PDCD4: variants seen among roughly 807,000 people sequenced by gnomAD.
PDCD4 encodes the protein programmed cell death 4.
A neutral mutation model predicts 54.0 loss-of-function variants in PDCD4; 56 were observed. That is an observed-to-expected ratio of 1.04 (90% confidence interval 0.84 to 1.30). The LOEUF is 1.30. Ranked by LOEUF, PDCD4 falls within the 50% of genes most tolerant of loss-of-function variation. PDCD4 has a pLI of 0.00. For missense variants in PDCD4, 584 were observed against 559.8 expected (o/e 1.04, Z -0.44); for synonymous variants, 186 against 194.8 (o/e 0.95, Z 0.37).
intron 2 of PDCD4, chr10:110,876,711 A>G (rs531580901): frequency 2.3e-6 from 3 of 1,309,440 alleles, no homozygotes; most frequent in East Asian, 2.7e-5. Flanking sequence ...ATAGCATGTT[A>G]TTATCATAAA....
At chr10:110,891,572 A>G (rs1299632765) in intron 8 of PDCD4, among the ~76,000 whole-genome samples, 1 of 152,108 alleles carries the variant, frequency 6.6e-6, no homozygotes, top group Non-Finnish European at 1.5e-5. Flanking sequence ...TGCAACTAGA[A>G]GATTTGTAGT....
intron 1 of PDCD4, among the ~76,000 whole-genome samples, chr10:110,872,904 C>T (rs997510153): frequency 3.3e-5 from 5 of 152,182 alleles, no homozygotes; most frequent in African/African-American, 4.8e-5. Context: ...GCCCCCCTCC[C>T]CCTTGTGAGA....
chr10:110,890,772 G>T, intron 8 of PDCD4, 102 bp downstream of exon 8: 1 of 557,434 alleles, frequency 1.8e-6, no homozygotes, highest in Non-Finnish European at 3.1e-6. Flanking sequence ...AATTAAGTTC[G>T]GTCTTACAGC....
Position 110,887,652 on chromosome 10 carries a change from T to A in PDCD4, c.556-13T>A, listed in dbSNP as rs776186564. 1 of 1,573,648 alleles carries A rather than the reference T, an allele frequency of 6.4e-7. No homozygotes were observed. The highest frequency in any genetic ancestry group is 1.1e-5 in the South Asian group (1 of 88,710). The stretch of plus-strand genomic sequence containing the variant: ...ACACTTTTAAAATGTTTTTAAATTA[T>A]TTTTTTGAACAGGAAATGTTAAGAG... On this transcript the variant is annotated splice_polypyrimidine_tract_variant and intron_variant, in intron 5 of 11. Transcript: ENST00000280154.
chr10:110,887,111 T>C (rs1845679903), intron 5 of PDCD4, among the ~76,000 whole-genome samples: 1 of 152,200 alleles, frequency 6.6e-6, no homozygotes, highest in Admixed American at 6.5e-5. Context: ...AGCTGCATAA[T>C]GACGTTTCCA....
At chr10:110,876,118 A>G (rs550323803) in intron 2 of PDCD4, 48 bp downstream of exon 2, 11 of 1,486,084 alleles carry the variant, frequency 7.4e-6, no homozygotes, top group Non-Finnish European at 1.0e-5. Flanking sequence ...TTGAGACAGG[A>G]TCTTGCTCTG....
At chr10:110,875,599 T>G (rs1181954259) in intron 1 of PDCD4, among the ~76,000 whole-genome samples, 1 of 152,188 alleles carries the variant, frequency 6.6e-6, no homozygotes, top group African/African-American at 2.4e-5. Flanking sequence ...TATATTCCTA[T>G]GTATGTATAT....
At chr10:110,896,612 T>G (rs1220157823) in intron 11 of PDCD4, among the ~76,000 whole-genome samples, 2 of 152,044 alleles carry the variant, frequency 1.3e-5, no homozygotes, top group Non-Finnish European at 2.9e-5. Flanking sequence ...AGTGTATGTG[T>G]GTGGGTGATT....
In PDCD4 at chr10:110,885,369, A is replaced by T. The variant is rs1490892750; in HGVS notation, c.555+3A>T. 8.6e-6 allele frequency: 12 copies of T among 1,391,734 alleles called. No homozygotes were observed. Among genetic ancestry groups the T allele is most frequent in the Non-Finnish European group, 9.1e-6 (9 of 985,750 alleles). 86.2% of individuals were successfully genotyped at this position (1,391,734 alleles called of 1,614,324 possible). On this transcript the variant is annotated splice_donor_region_variant and intron_variant, in intron 5 of 11. Coordinates refer to ENST00000280154, the MANE Select transcript of PDCD4 (RefSeq NM_014456.5). ...ATGGAGATACTAATGAAGTTGCGGT[A>T]GGTTTAAAGTTGCAAGTATAATTTA...
At chr10:110,887,953 A>G (rs1314608032) in intron 6 of PDCD4, 67 bp downstream of exon 6, 4 of 1,072,014 alleles carry the variant, frequency 3.7e-6, no homozygotes, top group Non-Finnish European at 5.6e-6. Flanking sequence ...GAAATAATGT[A>G]TACTCCTAGG....
chr10:110,885,165 A>ATAATAT, intron 4 of PDCD4, 88 bp from the exon 5 acceptor site: 1 of 651,506 alleles, frequency 1.5e-6, no homozygotes, highest in South Asian at 1.9e-5. Context: ...GGGATTATTA[A>ATAATAT]CCACTTAGAA....
intron 8 of PDCD4, 143 bp from the exon 9 acceptor site, chr10:110,893,942 TGTAATA>T: frequency 3.8e-6 from 2 of 525,622 alleles, no homozygotes; most frequent in Non-Finnish European, 6.9e-6. Context: ...AAAATTCTGT[TGTAATA>T]GTACCACATC....
chr10:110,876,688 C>A, intron 2 of PDCD4: 1 of 1,236,604 alleles, frequency 8.1e-7, no homozygotes, highest in Non-Finnish European at 1.1e-6. Context: ...CCCTAATTCT[C>A]CATGGTGCTT....
chr10:110,889,222 A>C (rs1845718220), intron 6 of PDCD4, among the ~76,000 whole-genome samples: 1 of 2,208 alleles, frequency 4.5e-4, no homozygotes, highest in Non-Finnish European at 1.3e-3. Context: ...ACTCTGTCTC[A>C]AAAAAAAAAA....
At chr10:110,890,446 A>G in intron 7 of PDCD4, 110 bp from the exon 8 acceptor site, 1 of 480,962 alleles carries the variant, frequency 2.1e-6, no homozygotes, top group Non-Finnish European at 3.7e-6. Context: ...TTTTGCTTTT[A>G]TGTTATGTGA....
intron 2 of PDCD4, among the ~76,000 whole-genome samples, chr10:110,876,346 C>T (rs1347647811): frequency 1.3e-5 from 2 of 152,178 alleles, no homozygotes; most frequent in African/African-American, 4.8e-5. Flanking sequence ...GAGGAAGCTT[C>T]AGACCATTCC....
chr10:110,886,614 G>A (rs1264108273), intron 5 of PDCD4, among the ~76,000 whole-genome samples: 1 of 152,250 alleles, frequency 6.6e-6, no homozygotes, highest in East Asian at 1.9e-4. Context: ...TTAGAACTTA[G>A]CTTCTAGAGT....
At chr10:110,885,625 A>T (rs1845659196) in intron 5 of PDCD4, among the ~76,000 whole-genome samples, 1 of 151,756 alleles carries the variant, frequency 6.6e-6, no homozygotes, top group African/African-American at 2.4e-5. Context: ...ATAATTTGTA[A>T]TGTATATGAA....
At position 110,895,978 on chromosome 10, in the gene PDCD4, G is replaced by C. The variant is rs1365873367; in HGVS notation, c.1240G>C (p.Asp414His). The change falls in exon 11 of 12, where the codon GAC becomes CAC. Residue 414 changes from aspartate to histidine, a missense_variant. Coordinates refer to ENST00000280154, the MANE Select transcript of PDCD4 (RefSeq NM_014456.5). ...TGAGAGAATTTACAATGAAATTCCGGACATTAATCTGGATGTCCCACATTC... is the reference window on the plus strand; with the variant it reads ...TGAGAGAATTTACAATGAAATTCCGCACATTAATCTGGATGTCCCACATTC... ...GYERIYNEIPDINLDVPHSYS... is the reference protein window; with the variant it reads ...GYERIYNEIPHINLDVPHSYS... 1 of 1,604,344 alleles carries C rather than the reference G, an allele frequency of 6.2e-7. No homozygotes were observed. The highest frequency in any genetic ancestry group is 1.7e-5 in the Admixed American group (1 of 58,394).
Sources: gnomAD v4.1 joint callset for allele counts (sites outside exome capture counted in the v4.1 genomes callset) on GRCh38, gnomAD v4.1.1 for gene constraint, MANE v1.5 for transcripts, NCBI Gene and HGNC (gene_info 2026-07-23, HGNC 2026-07-21) for gene names.